Variants in SPC25 observed in about 807,000 individuals in gnomAD.
The protein encoded by SPC25 is SPC25 component of NDC80 kinetochore complex.
A neutral mutation model predicts 29.6 loss-of-function variants in SPC25; 22 were observed. The observed-to-expected ratio is 0.74, with a 90% CI of 0.53 to 1.06. The LOEUF (loss-of-function observed/expected upper bound fraction) is 1.06, where lower values mean the gene tolerates loss of function less well. SPC25 is among the 50% of genes least tolerant of loss of function. The pLI is 0.00. For synonymous variants in SPC25, 91 were observed against 90.4 expected (o/e 1.01, Z -0.04); for missense variants, 230 against 255.8 (o/e 0.90, Z 0.69).
chr2:168,883,776 CT>C (rs34748645), intron 3 of SPC25, among the ~76,000 whole-genome samples: 25,564 of 141,228 alleles, frequency 0.18, 2,793 homozygotes, highest in African/African-American at 0.35. Context: ...ATTTTTTTTT[CT>C]TTTTTTTTTT....
intron 3 of SPC25, among the ~76,000 whole-genome samples, chr2:168,887,292 C>T (rs1472000258): frequency 1.3e-5 from 2 of 151,734 alleles, no homozygotes; most frequent in African/African-American, 2.4e-5. Context: ...CGTGGTGGTG[C>T]GCACCTGTAG....
intron 4 of SPC25, chr2:168,863,631 T>G: frequency 1.0e-6 from 1 of 983,194 alleles, no homozygotes; most frequent in South Asian, 4.7e-5. Context: ...GAATGGGGAG[T>G]TACATTTTGA....
downstream of SPC25, among the ~76,000 whole-genome samples, chr2:168,868,248 A>G (rs1574355725): frequency 6.6e-6 from 1 of 152,372 alleles, no homozygotes; most frequent in Non-Finnish European, 1.5e-5. Flanking sequence ...CACAAGAGAA[A>G]GCAGGAAAGA....
intron 3 of SPC25, among the ~76,000 whole-genome samples, chr2:168,887,512 T>A (rs1317804285): frequency 6.6e-6 from 1 of 151,978 alleles, no homozygotes; most frequent in African/African-American, 2.4e-5. Context: ...CAAAGTCAAA[T>A]GCCTTCATGG....
downstream of SPC25, among the ~76,000 whole-genome samples, chr2:168,868,215 GGAA>G (rs1275535322): frequency 6.6e-6 from 1 of 152,176 alleles, no homozygotes; most frequent in Non-Finnish European, 1.5e-5. Context: ...GTGTGTAGAG[GGAA>G]ATTTATAGCA....
chr2:168,877,469 T>G, intron 3 of SPC25, 85 bp from the exon 4 acceptor site: 2 of 1,402,734 alleles, frequency 1.4e-6, no homozygotes, highest in Non-Finnish European at 2.0e-6. Flanking sequence ...CTGACTTTCA[T>G]AAAGATTAAT....
chr2:168,874,630 G>A (rs1690055446), intron 5 of SPC25, among the ~76,000 whole-genome samples: 1 of 152,094 alleles, frequency 6.6e-6, no homozygotes, highest in African/African-American at 2.4e-5. Flanking sequence ...CATACTCAGG[G>A]CTATGATTTA....
rs267598992 is a variant in SPC25, at chr2:168,889,226, G to A, written c.199C>T (p.Gln67Ter). 3 of 1,609,560 alleles carry A rather than the reference G, an allele frequency of 1.9e-6. No homozygotes were observed. The South Asian group carries it at 3.3e-5, about 18-fold the overall frequency. Residue 67 changes from glutamine (Q) to a stop codon, truncating the protein, a stop_gained and splice_region_variant, in exon 3 of 7, where the codon CAG (glutamine) becomes TAG (stop). Coordinates refer to ENST00000282074, the MANE Select transcript of SPC25 (RefSeq NM_020675.4). LOFTEE classifies it high-confidence loss of function. The part of the protein sequence containing the change: ...MVEMFLEYQN[Q>*]ISRQNKLIQE... ...CCATGATTTATACTTTTTCACATAC[G>A]ATTTTGATATTCCAGAAACATCTCA...
downstream of SPC25, among the ~76,000 whole-genome samples, chr2:168,869,000 T>C (rs1185796505): frequency 4.6e-5 from 7 of 152,180 alleles, no homozygotes; most frequent in Non-Finnish European, 1.0e-4. Context: ...TCAAAAAGCT[T>C]ATCCACCATG....
intron 3 of SPC25, among the ~76,000 whole-genome samples, chr2:168,888,982 C>CACAT (rs1318906244): frequency 3.4e-5 from 4 of 118,850 alleles, no homozygotes. Context: ...TACACACACA[C>CACAT]ATATATATGT....
chr2:168,871,960 T>TAAAA (rs35221029), intron 6 of SPC25, among the ~76,000 whole-genome samples: 4 of 144,162 alleles, frequency 2.8e-5, no homozygotes, highest in South Asian at 2.2e-4. Context: ...CCACTGGAAT[T>TAAAA]AAAAAAAAAA....
intron 3 of SPC25, among the ~76,000 whole-genome samples, chr2:168,882,369 C>T (rs1196948346): frequency 8.5e-5 from 13 of 152,226 alleles, no homozygotes; most frequent in African/African-American, 2.4e-4. Context: ...CACTTTGCAA[C>T]GCTCAGGCTG....
chr2:168,865,114 A>C (rs1180954396), intron 4 of SPC25: 1 of 836,096 alleles, frequency 1.2e-6, no homozygotes, highest in East Asian at 2.7e-5. Flanking sequence ...CTTTGCATTC[A>C]TGATTATTAG....
chr2:168,881,670 G>A (rs1690179291), intron 3 of SPC25, among the ~76,000 whole-genome samples: 1 of 152,126 alleles, frequency 6.6e-6, no homozygotes, highest in Admixed American at 6.6e-5. Context: ...CTTTAAAATC[G>A]AATGCCAATT....
At chr2:168,869,596 T>G (rs1016885341), downstream of SPC25, among the ~76,000 whole-genome samples, 4 of 152,062 alleles carry the variant, frequency 2.6e-5, no homozygotes, top group Non-Finnish European at 4.4e-5. Flanking sequence ...ATGAGTGAAC[T>G]CCCATTCACA....
Position 168,890,403 on chromosome 2 carries a change from C to G in SPC25, c.-100G>C, listed in dbSNP as rs968007345. ...CAACAGCCGGACTCTAGGCTCAGCT[C>G]CCGCAGCCCCGCCAACTTTCCGATT... On this transcript the variant is annotated 5_prime_UTR_variant, in exon 1 of 7. Transcript: ENST00000282074. The G allele has an allele frequency of 2.6e-5, 26 of 985,388 alleles. No individual in the cohort carries two copies. The African/African-American group carries it at 3.8e-4, about 15-fold the overall frequency. 61.0% of individuals were successfully genotyped at this position (985,388 alleles called of 1,614,324 possible).
chr2:168,866,287 C>A (rs1180915182), downstream of SPC25, among the ~76,000 whole-genome samples: 1 of 152,302 alleles, frequency 6.6e-6, no homozygotes, highest in East Asian at 1.9e-4. Flanking sequence ...AGATATAGAC[C>A]AATGGAACAG....
At position 168,876,141 on chromosome 2, in the gene SPC25, A is replaced by C; in HGVS notation, c.382T>G (p.Leu128Val). Reference protein sequence around the residue: ...STANKANAERLKRLQKSADLY... With the variant: ...STANKANAERVKRLQKSADLY... Reference sequence around the variant, plus strand: ...TCTGCAGATTTCTGCAGCCTTTTCAACCTCTCTGCATTCGCTTTATTAGCA... The same window carrying C: ...TCTGCAGATTTCTGCAGCCTTTTCACCCTCTCTGCATTCGCTTTATTAGCA... Residue 128 changes from leucine (L) to valine (V), a missense_variant, in exon 5 of 7, where the codon TTG becomes GTG. Leu to Val is a conservative substitution (Grantham distance 32, BLOSUM62 1). Coordinates refer to ENST00000282074, the MANE Select transcript of SPC25 (RefSeq NM_020675.4). The C allele has an allele frequency of 6.4e-7, 1 of 1,572,566 alleles. No individual in the cohort carries two copies.
At chr2:168,864,465 T>C (rs1689723406) in intron 4 of SPC25, among the ~76,000 whole-genome samples, 1 of 150,452 alleles carries the variant, frequency 6.6e-6, no homozygotes, top group Non-Finnish European at 1.5e-5. Flanking sequence ...TTTGTATTTT[T>C]AGCAGAGAAG....
Sources: gnomAD v4.1 joint callset for allele counts (sites outside exome capture counted in the v4.1 genomes callset) on GRCh38, gnomAD v4.1.1 for gene constraint, MANE v1.5 for transcripts, NCBI Gene and HGNC (gene_info 2026-07-23, HGNC 2026-07-21) for gene names.